Variants in PP2D1 observed in about 807,000 individuals in gnomAD.
The protein encoded by PP2D1 is protein phosphatase 2C-like domain-containing protein 1.
PP2D1 carries 25 observed loss-of-function variants against 30.2 expected under a neutral mutation model. That is an observed-to-expected ratio of 0.83 (90% CI 0.60 to 1.16). The LOEUF is 1.16. Ranked by LOEUF, PP2D1 falls within the 50% of genes most tolerant of loss-of-function variation. PP2D1 has a pLI of 0.00. For missense variants in PP2D1, 760 were observed against 742.4 expected, an observed-to-expected ratio of 1.02 and a Z score of -0.28; for synonymous variants, 260 against 258.9, an observed-to-expected ratio of 1.00 and a Z score of -0.04.
intron 1 of PP2D1, among the ~76,000 whole-genome samples, chr3:20,010,789 C>T (rs987568054): frequency 3.3e-5 from 5 of 151,296 alleles, no homozygotes; most frequent in Admixed American, 6.6e-5. Flanking sequence ...GCAACAAGAG[C>T]GAAACTCCAT....
chr3:19,981,735 A>C (rs543016031), downstream of PP2D1, among the ~76,000 whole-genome samples: 2 of 152,294 alleles, frequency 1.3e-5, no homozygotes, highest in South Asian at 2.1e-4. Flanking sequence ...ATCAGTGGGA[A>C]GCACACTCCA....
chr3:19,994,868 T>A (rs62241325), intron 2 of PP2D1, among the ~76,000 whole-genome samples: 1 of 152,066 alleles, frequency 6.6e-6, no homozygotes, highest in Non-Finnish European at 1.5e-5. Flanking sequence ...TACATGTGTG[T>A]GAGGAAACTC....
At chr3:19,998,108 T>G (rs1575086230) in intron 2 of PP2D1, among the ~76,000 whole-genome samples, 2 of 151,892 alleles carry the variant, frequency 1.3e-5, no homozygotes. Context: ...GGAGGGTGGG[T>G]CACCTGAGGC....
In PP2D1 at chr3:20,001,795, G is replaced by T; in HGVS notation, c.325C>A (p.Gln109Lys). ...KKPQPSVIAV[Q>K]RQFMISKLLS... ...AGTTTAGAAATCATGAACTGTCTCT[G>T]AACAGCAATCACTGAGGGCTGTGGT... Residue 109 changes from glutamine (Q) to lysine (K), a missense_variant, in exon 2 of 3, where the codon CAG becomes AAG. Physicochemically the swap from Gln to Lys is moderately conservative, Grantham distance 53. Coordinates refer to ENST00000389050, the MANE Select transcript of PP2D1 (RefSeq NM_001252657.2). 2.0e-6 allele frequency: 3 copies of T among 1,535,208 alleles called. No individual in the cohort carries two copies. The highest frequency in any genetic ancestry group is 1.7e-6 in the Non-Finnish European group (2 of 1,146,586).
At chr3:19,983,884 T>C, downstream of PP2D1, 1 of 1,182,504 alleles carries the variant, frequency 8.5e-7, no homozygotes, top group South Asian at 1.3e-5. Flanking sequence ...AACAATGGAA[T>C]TGGAGCATTT....
chr3:20,011,157 G>A (rs927619656), intron 1 of PP2D1, among the ~76,000 whole-genome samples: 6 of 152,096 alleles, frequency 3.9e-5, no homozygotes, highest in Non-Finnish European at 8.8e-5. Context: ...TCAGTTAGCC[G>A]GCAGAAGGAG....
Position 19,987,222 on chromosome 3 carries a change from T to G in PP2D1, c.1091-1040A>C, listed in dbSNP as rs571391854. On this transcript the variant is annotated intron_variant, in intron 2 of 2. Transcript: ENST00000389050. ...TTGAAATCTTACAGTTTAAACATGA[T>G]CTGAACAGATTGCAGGGTGGTTATA... is the stretch of plus-strand genomic sequence containing the variant. Among the ~76,000 whole-genome samples, 186 of 152,306 alleles carry G rather than the reference T, an allele frequency of 1.2e-3. 1 individual carries two copies. In the South Asian group the frequency reaches 0.018, roughly 14 times the overall value.
chr3:19,997,209 G>A (rs866840209), intron 2 of PP2D1, among the ~76,000 whole-genome samples: 2 of 144,342 alleles, frequency 1.4e-5, no homozygotes, highest in South Asian at 4.5e-4. Flanking sequence ...ATGATAAATA[G>A]CCCACCGTGA....
chr3:19,986,595 A>C (rs758861494), intron 2 of PP2D1, among the ~76,000 whole-genome samples: 10 of 152,214 alleles, frequency 6.6e-5, no homozygotes, highest in Non-Finnish European at 1.2e-4. Context: ...TTAAAACACA[A>C]ACTTTGATTT....
chr3:19,985,988 TCAG>T lies in PP2D1; in HGVS notation c.1282_1284del (p.Leu428del). The T allele has an allele frequency of 6.5e-7, 1 of 1,536,162 alleles. No homozygotes were observed. Among genetic ancestry groups the T allele is most frequent in the South Asian group, 1.2e-5 (1 of 84,064 alleles). ...TGAGGTGCTGGGATAATGGATTTTT[TCAG>T]CTTGAGATTTCCATGAAATCCAAGT... On this transcript the variant is annotated inframe_deletion, in exon 3 of 3. Transcript: ENST00000389050.
chr3:19,995,324 C>T (rs1413289199), intron 2 of PP2D1, among the ~76,000 whole-genome samples: 2 of 152,106 alleles, frequency 1.3e-5, no homozygotes, highest in Non-Finnish European at 2.9e-5. Context: ...GTAAGAGATA[C>T]ACAGAGTAGA....
In PP2D1 at chr3:20,012,065, GT is replaced by G. The variant is rs1697394977; in HGVS notation, c.7del (p.Thr3ProfsTer5). MSTNNALRVFWKS... is the reference protein window; with the variant it reads MSXNNALRVFWKS... Reference sequence around the variant, plus strand: ...GAAAGTTTACCTTAAAGCATTATTGGTGCTCATGTTCCTTTGGAATTACCTT... The same window carrying G: ...GAAAGTTTACCTTAAAGCATTATTGGGCTCATGTTCCTTTGGAATTACCTT... On this transcript the variant is annotated frameshift_variant, in exon 1 of 3. Transcript: ENST00000389050. LOFTEE classifies it high-confidence loss of function. The G allele has an allele frequency of 6.5e-7, 1 of 1,531,684 alleles. No homozygotes were observed. Among genetic ancestry groups the G allele is most frequent in the South Asian group, 1.2e-5 (1 of 83,468 alleles). The allele number at this position is 1,531,684 out of a possible 1,614,324, so 94.9% of individuals were successfully genotyped here.
chr3:19,999,726 T>C (rs907659160), intron 2 of PP2D1, among the ~76,000 whole-genome samples: 3 of 152,188 alleles, frequency 2.0e-5, no homozygotes, highest in East Asian at 1.9e-4. Context: ...ACTTATTGAA[T>C]ATGTCATAAT....
intron 1 of PP2D1, among the ~76,000 whole-genome samples, chr3:20,005,906 C>T (rs1697313143): frequency 6.6e-6 from 1 of 151,806 alleles, no homozygotes. Flanking sequence ...AACCCCAGCC[C>T]CAATAGTAAT....
downstream of PP2D1, chr3:19,985,307 A>G: frequency 4.7e-6 from 5 of 1,054,876 alleles, no homozygotes; most frequent in Non-Finnish European, 6.7e-6. Context: ...GTATTGATGA[A>G]TCATCCTAAT....
At chr3:19,983,895 A>T, downstream of PP2D1, 1 of 1,032,822 alleles carries the variant, frequency 9.7e-7, no homozygotes, top group Non-Finnish European at 1.5e-6. Flanking sequence ...TGGAGCATTT[A>T]ACCAGCCCAG....
chr3:20,011,747 C>T (rs568722707), intron 1 of PP2D1, among the ~76,000 whole-genome samples: 9 of 152,058 alleles, frequency 5.9e-5, no homozygotes, highest in South Asian at 2.1e-4. Flanking sequence ...TGCAGTGAGC[C>T]GAGATCGCGC....
In PP2D1 at chr3:20,012,099, C is replaced by A; in HGVS notation, c.-27G>T. The A allele has an allele frequency of 6.6e-7, 1 of 1,524,340 alleles. No homozygotes were observed. The allele number at this position is 1,524,340 out of a possible 1,614,324, so 94.4% of individuals were successfully genotyped here. On this transcript the variant is annotated 5_prime_UTR_variant, in exon 1 of 3. Coordinates refer to ENST00000389050, the MANE Select transcript of PP2D1 (RefSeq NM_001252657.2). ...TTCCTTTGGAATTACCTTTCTTTGC[C>A]CTCCCTTTATCCCCTTCCCCTGGCC...
intron 2 of PP2D1, chr3:19,996,987 G>A (rs918228271): frequency 2.0e-5 from 3 of 150,772 alleles, no homozygotes; most frequent in Non-Finnish European, 2.9e-5. Context: ...CTCAATAGAT[G>A]GCCAAAAATT....
Sources: gnomAD v4.1 joint callset for allele counts (sites outside exome capture counted in the v4.1 genomes callset) on GRCh38, gnomAD v4.1.1 for gene constraint, MANE v1.5 for transcripts, NCBI Gene and HGNC (gene_info 2026-07-23, HGNC 2026-07-21) for gene names.